Variants in TROAP observed in about 807,000 individuals in gnomAD.
The protein encoded by TROAP is tastin.
In TROAP, 62 loss-of-function variants were observed where a neutral mutation model predicts 83.4. That is an observed-to-expected ratio of 0.74 (90% CI 0.61 to 0.92). TROAP has a LOEUF of 0.92. Ranked by LOEUF, TROAP falls within the 40% of genes least tolerant of loss-of-function variation. TROAP has a pLI of 0.00. For synonymous variants in TROAP, 352 were observed against 386.4 expected, an observed-to-expected ratio of 0.91 and a Z score of 1.04; for missense variants, 876 against 985.1, an observed-to-expected ratio of 0.89 and a Z score of 1.48.
chr12:49,328,684 G>A (rs1565670972), intron 8 of TROAP, among the ~76,000 whole-genome samples: 1 of 151,998 alleles, frequency 6.6e-6, no homozygotes, highest in Non-Finnish European at 1.5e-5. Context: ...CTAACATGGT[G>A]AAACCCCATC....
chr12:49,326,530 T>C, intron 6 of TROAP, 138 bp from the exon 7 acceptor site: 4 of 1,064,266 alleles, frequency 3.8e-6, no homozygotes, highest in Non-Finnish European at 5.3e-6. Flanking sequence ...TTGGTTTCTT[T>C]GTCAAGTGAG....
At chr12:49,323,397 G>A (rs1431822859) in intron 1 of TROAP, 48 bp downstream of exon 1, 1 of 618,044 alleles carries the variant, frequency 1.6e-6, no homozygotes, top group Non-Finnish European at 2.8e-6. Flanking sequence ...GGGTTCATAG[G>A]GAGGAGGGCA....
chr12:49,330,952 T>G lies in TROAP; in HGVS notation c.2098+9T>G. ...CCCAGCAGGCCAGGCAGGTAAGGAGTTGGCTGGGAAGGAGTGTGAACACAA... is the reference window on the plus strand; with the variant it reads ...CCCAGCAGGCCAGGCAGGTAAGGAGGTGGCTGGGAAGGAGTGTGAACACAA... On this transcript the variant is annotated intron_variant, in intron 13 of 14. Coordinates refer to ENST00000257909, the MANE Select transcript of TROAP (RefSeq NM_005480.4). 6.2e-7 allele frequency: 1 copy of G among 1,609,250 alleles called. No homozygotes were observed. The highest frequency in any genetic ancestry group is 8.5e-7 in the Non-Finnish European group (1 of 1,179,932).
chr12:49,330,296 A>C lies in TROAP; in HGVS notation c.1451A>C (p.His484Pro). The C allele has an allele frequency of 6.2e-7, 1 of 1,612,020 alleles. No individual in the cohort carries two copies. Among genetic ancestry groups the C allele is most frequent in the East Asian group, 2.2e-5 (1 of 44,876 alleles). ...TCTAGAACTCTGAATGCCACAGAGC[A>C]TAACTCTGGGACTTCCCACCTTCCT... is the stretch of plus-strand genomic sequence containing the variant. The part of the protein sequence containing the change: ...EISRTLNATE[H>P]NSGTSHLPGL... Residue 484 changes from histidine to proline, a missense_variant, in exon 13 of 15, where the codon CAT becomes CCT. Transcript: ENST00000257909.
intron 8 of TROAP, among the ~76,000 whole-genome samples, chr12:49,327,791 AAT>A (rs1943523019): frequency 6.6e-6 from 1 of 151,882 alleles, no homozygotes; most frequent in Non-Finnish European, 1.5e-5. Flanking sequence ...TCTCTAAAAT[AAT>A]AATAATAATA....
intron 7 of TROAP, 107 bp downstream of exon 7, chr12:49,326,827 G>A: frequency 8.1e-7 from 1 of 1,229,756 alleles, no homozygotes; most frequent in Non-Finnish European, 1.1e-6. Context: ...GAGGAAGTGG[G>A]AGGCCGGGAG....
chr12:49,323,650 TG>T lies in TROAP; in HGVS notation c.43del (p.Val15TyrfsTer104). The T allele has an allele frequency of 1.2e-6, 2 of 1,613,922 alleles. No homozygotes were observed. Among genetic ancestry groups the T allele is most frequent in the Non-Finnish European group, 1.7e-6 (2 of 1,179,992 alleles). ...QATKDPLLRGVSPTPSKIPVR... is the reference protein window; with the variant it reads ...QATKDPLLRGXSPTPSKIPVR... ...CCACGAAGGATCCCCTCCTCCGGGG[TG>T]TATCTCCTACCCCTAGCAAGATTCC... On this transcript the variant is annotated frameshift_variant, in exon 2 of 15. Coordinates refer to ENST00000257909, the MANE Select transcript of TROAP (RefSeq NM_005480.4). LOFTEE classifies it high-confidence loss of function.
chr12:49,325,337 T>C, intron 3 of TROAP, 164 bp from the exon 4 acceptor site: 1 of 692,134 alleles, frequency 1.4e-6, no homozygotes, highest in Non-Finnish European at 2.3e-6. Flanking sequence ...ATTACAGGCA[T>C]GAGCCACTGC....
At position 49,331,648 on chromosome 12, in the gene TROAP, C is replaced by T; in HGVS notation, c.*31C>T. On this transcript the variant is annotated 3_prime_UTR_variant, in exon 15 of 15. Coordinates refer to ENST00000257909, the MANE Select transcript of TROAP (RefSeq NM_005480.4). ...CAACCACTCCTGCCCTGCCGTACTT[C>T]TTCCTTTTAGCCCTTATTTATTGTC... 6.2e-7 allele frequency: 1 copy of T among 1,614,020 alleles called. No homozygotes were observed. The highest frequency in any genetic ancestry group is 8.5e-7 in the Non-Finnish European group (1 of 1,179,978).
rs112986873 is a variant in TROAP, at chr12:49,323,340, C to CT, written c.-15_-14insT. On this transcript the variant is annotated 5_prime_UTR_variant, in exon 1 of 15. Coordinates refer to ENST00000257909, the MANE Select transcript of TROAP (RefSeq NM_005480.4). Reference sequence around the variant, plus strand: ...AGGAAGCTGGGTAGGCCCTGAGGGGCCTCGGTAAGGTAAGGCACGGGGGTC... The same window carrying CT: ...AGGAAGCTGGGTAGGCCCTGAGGGGCTCTCGGTAAGGTAAGGCACGGGGGTC... 0.031 allele frequency: 13,042 copies of CT among 426,228 alleles called. 265 individuals are homozygous for CT. Among genetic ancestry groups the CT allele is most frequent in the African/African-American group, 0.068 (3,369 of 49,416 alleles). 26.4% of individuals were successfully genotyped at this position (426,228 alleles called of 1,614,324 possible).
intron 13 of TROAP, 113 bp from the exon 14 acceptor site, chr12:49,331,101 T>G (rs1943575057): frequency 1.3e-6 from 2 of 1,537,608 alleles, no homozygotes; most frequent in South Asian, 2.3e-5. Flanking sequence ...GGGGCTGCAC[T>G]TCCAGCCCTG....
intron 3 of TROAP, 124 bp from the exon 4 acceptor site, chr12:49,325,377 A>AT: frequency 9.1e-7 from 1 of 1,093,980 alleles, no homozygotes; most frequent in South Asian, 1.9e-5. Flanking sequence ...AAAAAAAAAA[A>AT]AAAAAATAAG....
chr12:49,326,239 G>A, intron 6 of TROAP, 81 bp downstream of exon 6: 1 of 1,436,156 alleles, frequency 7.0e-7, no homozygotes, highest in Non-Finnish European at 9.8e-7. Context: ...CCAGAGTTGG[G>A]GCCTTCCAGG....
Position 49,325,681 on chromosome 12 carries a change from G to C in TROAP, c.495+23G>C, listed in dbSNP as rs1943487985. 2.5e-6 allele frequency: 4 copies of C among 1,613,160 alleles called. No homozygotes were observed. In the South Asian group the frequency reaches 3.3e-5, roughly 13 times the overall value. On this transcript the variant is annotated intron_variant, in intron 4 of 14. Transcript: ENST00000257909. The stretch of plus-strand genomic sequence containing the variant: ...CAGGTAATGAAACAGGATGTGAGGA[G>C]ACCAGGCTAGGGGGCACTGAGGGGG...
chr12:49,323,469 G>T, intron 1 of TROAP, 120 bp downstream of exon 1: 1 of 1,192,786 alleles, frequency 8.4e-7, no homozygotes, highest in Non-Finnish European at 1.2e-6. Flanking sequence ...CCATAAGAGC[G>T]GTCTTGCAGG....
chr12:49,331,683 A>G lies in TROAP; in HGVS notation c.*66A>G, dbSNP rs374584855. On this transcript the variant is annotated 3_prime_UTR_variant, in exon 15 of 15. Transcript: ENST00000257909. ...GCCCTTATTTATTGTCGGTCTGCCC[A>G]TGGGACTGGGAGCCGCCCACTTTTG... 1.2e-5 allele frequency: 19 copies of G among 1,605,892 alleles called. No homozygotes were observed. Among genetic ancestry groups the G allele is most frequent in the African/African-American group, 8.0e-5 (6 of 74,722 alleles).
intron 6 of TROAP, 98 bp downstream of exon 6, chr12:49,326,256 A>G (rs1194374014): frequency 1.6e-6 from 2 of 1,220,908 alleles, no homozygotes; most frequent in African/African-American, 3.0e-5. Flanking sequence ...CAGGAGCTTT[A>G]GGACTCCCCA....
intron 3 of TROAP, among the ~76,000 whole-genome samples, chr12:49,325,005 G>C (rs1943475853): frequency 6.7e-6 from 1 of 149,888 alleles, no homozygotes; most frequent in Non-Finnish European, 1.5e-5. Context: ...CCACCTCCCA[G>C]GTTCAAGTGA....
chr12:49,330,441 G>T lies in TROAP; in HGVS notation c.1596G>T (p.Glu532Asp). Residue 532 changes from glutamate (E) to aspartate (D), a missense_variant, in exon 13 of 15, where the codon GAG becomes GAT. Physicochemically the swap from Glu to Asp is conservative, Grantham distance 45. Around this residue, in one of 3 missense-constraint regions of TROAP, gnomAD observed 689 missense variants for 722.6 expected, o/e 0.95. Coordinates refer to ENST00000257909, the MANE Select transcript of TROAP (RefSeq NM_005480.4). ...PPEAFCRSEP[E>D]IPEPSLQEQL... ...AGGCCTTCTGTAGGAGTGAGCCTGAGATACCAGAGCCCTCCCTCCAGGAAC... is the reference window on the plus strand; with the variant it reads ...AGGCCTTCTGTAGGAGTGAGCCTGATATACCAGAGCCCTCCCTCCAGGAAC... 6.2e-7 allele frequency: 1 copy of T among 1,614,016 alleles called. No homozygotes were observed. The highest frequency in any genetic ancestry group is 1.1e-5 in the South Asian group (1 of 91,088).
Sources: allele counts gnomAD v4.1 joint callset (sites outside exome capture counted in the v4.1 genomes callset), GRCh38; gene constraint gnomAD v4.1.1; regional missense constraint gnomAD v4.1.1; transcripts MANE v1.5; gene names NCBI Gene and HGNC (gene_info 2026-07-23, HGNC 2026-07-21).